Variants in CA10 observed in about 807,000 individuals in gnomAD.
CA10 encodes carbonic anhydrase 10 (inactive), also known as carbonic anhydrase-related protein 10.
A neutral mutation model predicts 44.2 loss-of-function variants in CA10; 14 were observed. That is an observed-to-expected ratio of 0.32 (90% CI 0.21 to 0.50). CA10 has a LOEUF of 0.50. CA10 is among the 20% of genes least tolerant of loss of function. CA10 has a pLI of 0.99. For missense variants in CA10, 350 were observed against 409.7 expected (o/e 0.85, Z 1.26); for synonymous variants, 159 against 141.6 (o/e 1.12, Z -0.87).
chr17:52,011,387 C>A (rs1224846332), intron 2 of CA10, among the ~76,000 whole-genome samples: 1 of 151,792 alleles, frequency 6.6e-6, no homozygotes, highest in African/African-American at 2.4e-5. Flanking sequence ...TGCTCTGGTG[C>A]AAATAATTAG....
At chr17:52,019,972 T>C (rs1249301630) in intron 2 of CA10, among the ~76,000 whole-genome samples, 1 of 151,924 alleles carries the variant, frequency 6.6e-6, no homozygotes, top group Non-Finnish European at 1.5e-5. Flanking sequence ...AAAAAAAGTT[T>C]GTTATATCAG....
At chr17:52,016,292 C>T (rs1985965284) in intron 2 of CA10, among the ~76,000 whole-genome samples, 2 of 152,086 alleles carry the variant, frequency 1.3e-5, no homozygotes, top group African/African-American at 4.8e-5. Context: ...CAAAGAAAAG[C>T]CTTACAACTA....
chr17:51,901,782 G>T (rs1253578871), intron 3 of CA10, among the ~76,000 whole-genome samples: 3 of 152,114 alleles, frequency 2.0e-5, no homozygotes, highest in Non-Finnish European at 4.4e-5. Context: ...GATAGCAGCA[G>T]CTAACATTTA....
chr17:52,101,562 T>C (rs1988540011), intron 1 of CA10, among the ~76,000 whole-genome samples: 1 of 152,210 alleles, frequency 6.6e-6, no homozygotes, highest in Admixed American at 6.5e-5. Context: ...GGGCAGCTGT[T>C]CCTGTGTGAT....
chr17:51,794,369 T>C (rs1448513756), intron 3 of CA10, among the ~76,000 whole-genome samples: 1 of 152,164 alleles, frequency 6.6e-6, no homozygotes, highest in East Asian at 1.9e-4. Flanking sequence ...GGCTACATGC[T>C]TGGTTGAAGG....
intron 2 of CA10, among the ~76,000 whole-genome samples, chr17:51,990,238 A>G (rs1041315656): frequency 3.3e-5 from 5 of 152,136 alleles, no homozygotes; most frequent in South Asian, 2.1e-4. Flanking sequence ...TCCAGGTCCA[A>G]TTGCCCCAGA....
chr17:52,035,375 C>T (rs1157391570), intron 2 of CA10, among the ~76,000 whole-genome samples: 1 of 152,172 alleles, frequency 6.6e-6, no homozygotes, highest in Non-Finnish European at 1.5e-5. Context: ...TTTCAGCTCC[C>T]CTTCCCAGTG....
At chr17:51,677,663 A>G (rs1914673995) in intron 4 of CA10, among the ~76,000 whole-genome samples, 1 of 152,192 alleles carries the variant, frequency 6.6e-6, no homozygotes, top group South Asian at 2.1e-4. Flanking sequence ...GACAGGGTGG[A>G]GTAGAGAGAG....
At chr17:51,831,633 T>TCTTCAAAA (rs1908243953) in intron 3 of CA10, among the ~76,000 whole-genome samples, 1 of 139,996 alleles carries the variant, frequency 7.1e-6, no homozygotes, top group South Asian at 2.4e-4. Context: ...GAGGAAGGCA[T>TCTTCAAAA]CTTCAAAATG....
intron 1 of CA10, among the ~76,000 whole-genome samples, chr17:52,115,070 T>C (rs1006153162): frequency 2.6e-5 from 4 of 152,200 alleles, no homozygotes; most frequent in Admixed American, 6.5e-5. Flanking sequence ...TTCCTGGGCA[T>C]GCCCACATGC....
At chr17:51,718,213 T>A (rs538044142) in intron 4 of CA10, among the ~76,000 whole-genome samples, 2 of 21,882 alleles carry the variant, frequency 9.1e-5, no homozygotes, top group East Asian at 5.0e-3. Flanking sequence ...CAATAATTTA[T>A]GAAAAAAAGA....
intron 3 of CA10, among the ~76,000 whole-genome samples, chr17:51,926,660 G>A (rs1025960199): frequency 2.6e-5 from 4 of 152,254 alleles, no homozygotes; most frequent in South Asian, 2.1e-4. Flanking sequence ...GTGTCACTCC[G>A]ACCTCTGCTT....
At chr17:52,072,229 C>T in intron 2 of CA10, 90 bp downstream of exon 2, 2 of 892,690 alleles carry the variant, frequency 2.2e-6, no homozygotes, top group Admixed American at 2.1e-5. Flanking sequence ...TAGACTGCCT[C>T]ACCTTTTGCA....
chr17:51,835,369 T>C (rs1908439231), intron 3 of CA10, among the ~76,000 whole-genome samples: 1 of 152,182 alleles, frequency 6.6e-6, no homozygotes, highest in Non-Finnish European at 1.5e-5. Context: ...CCCATATATT[T>C]TGTGAGTCAA....
intron 3 of CA10, among the ~76,000 whole-genome samples, chr17:51,823,669 T>G (rs1163500257): frequency 1.3e-5 from 2 of 152,186 alleles, no homozygotes; most frequent in Non-Finnish European, 2.9e-5. Context: ...CTCTTAAGAC[T>G]TGAACACTGT....
chr17:51,780,858 C>A (rs952391493), intron 3 of CA10, among the ~76,000 whole-genome samples: 3 of 152,150 alleles, frequency 2.0e-5, no homozygotes, highest in Non-Finnish European at 4.4e-5. Context: ...CCGTGAAGAG[C>A]AAGGAAGCAA....
chr17:51,784,215 T>C (rs1354832595), intron 3 of CA10, among the ~76,000 whole-genome samples: 1 of 152,106 alleles, frequency 6.6e-6, no homozygotes, highest in Non-Finnish European at 1.5e-5. Flanking sequence ...CTGGACCCCA[T>C]GGAGCTGGCA....
chr17:51,970,495 T>G (rs1404737025), intron 2 of CA10, among the ~76,000 whole-genome samples: 3 of 152,168 alleles, frequency 2.0e-5, no homozygotes, highest in East Asian at 3.9e-4. Flanking sequence ...CTATATAGCT[T>G]TCAGAGAGGA....
intron 3 of CA10, among the ~76,000 whole-genome samples, chr17:51,822,683 T>C (rs9894049): frequency 0.21 from 31,787 of 152,124 alleles, 4,113 homozygotes; most frequent in African/African-American, 0.36. Flanking sequence ...AGGAAGAATG[T>C]GTAGCATGGT....
Sources: gnomAD v4.1 joint callset for allele counts (sites outside exome capture counted in the v4.1 genomes callset) on GRCh38, gnomAD v4.1.1 for gene constraint, MANE v1.5 for transcripts, NCBI Gene and HGNC (gene_info 2026-07-23, HGNC 2026-07-21) for gene names.